ADGRL3: variants seen among roughly 807,000 people sequenced by gnomAD.
ADGRL3 encodes the protein calcium-independent alpha-latrotoxin receptor 3.
In ADGRL3, 62 loss-of-function variants were observed where a neutral mutation model predicts 153.5. That is an observed-to-expected ratio of 0.40 (90% CI 0.33 to 0.50). The LOEUF (loss-of-function observed/expected upper bound fraction) is 0.50, where lower values mean the gene tolerates loss of function less well. Among genes scored for constraint, ADGRL3 ranks in the 20% least tolerant of loss-of-function variants. The pLI, the probability that ADGRL3 is intolerant of heterozygous loss-of-function variation, is 0.47. For missense variants in ADGRL3, 1,641 were observed against 1,859.4 expected (o/e 0.88, Z 2.16); for synonymous variants, 710 against 672.5 (o/e 1.06, Z -0.86).
At chr4:61,237,614 T>A (rs892465692) in intron 1 of ADGRL3, among the ~76,000 whole-genome samples, 6 of 152,210 alleles carry the variant, frequency 3.9e-5, no homozygotes, top group African/African-American at 1.4e-4. Context: ...AAGATAGAAC[T>A]ATTAGTTAGC....
intron 2 of ADGRL3, among the ~76,000 whole-genome samples, chr4:61,458,000 G>A (rs777963344): frequency 2.0e-5 from 3 of 151,738 alleles, no homozygotes; most frequent in Non-Finnish European, 3.0e-5. Context: ...TCTTATTGGA[G>A]ATATTTAGAT....
intron 5 of ADGRL3, among the ~76,000 whole-genome samples, chr4:61,649,496 G>T (rs965133386): frequency 6.6e-6 from 1 of 152,012 alleles, no homozygotes; most frequent in African/African-American, 2.4e-5. Flanking sequence ...ATTTTCTGGA[G>T]ATTCTTTACT....
chr4:61,893,488 T>C (rs2098604369), intron 10 of ADGRL3, among the ~76,000 whole-genome samples: 1 of 152,152 alleles, frequency 6.6e-6, no homozygotes, highest in Admixed American at 6.5e-5. Flanking sequence ...AGGACTTCTA[T>C]ATTAGAAGAT....
At chr4:61,591,466 T>C (rs892276773) in intron 5 of ADGRL3, among the ~76,000 whole-genome samples, 6 of 152,166 alleles carry the variant, frequency 3.9e-5, no homozygotes, top group African/African-American at 1.4e-4. Flanking sequence ...CAATGTATTA[T>C]TTTAAAGCTA....
At chr4:61,336,023 G>T (rs2095667564) in intron 1 of ADGRL3, among the ~76,000 whole-genome samples, 1 of 151,926 alleles carries the variant, frequency 6.6e-6, no homozygotes, top group Non-Finnish European at 1.5e-5. Context: ...TTGATAAAAA[G>T]AAAATCAAGG....
chr4:61,721,929 A>G (rs1336057824), intron 6 of ADGRL3, among the ~76,000 whole-genome samples: 1 of 152,210 alleles, frequency 6.6e-6, no homozygotes, highest in African/African-American at 2.4e-5. Flanking sequence ...AAATTTATTT[A>G]TAGAGATGGC....
At chr4:62,050,401 C>G (rs1733467169) in intron 25 of ADGRL3, among the ~76,000 whole-genome samples, 1 of 152,030 alleles carries the variant, frequency 6.6e-6, no homozygotes, top group South Asian at 2.1e-4. Flanking sequence ...CCAATTCAGA[C>G]AGCTCTTCTA....
In ADGRL3 at chr4:61,320,908, G is replaced by C. The variant is rs75316787; in HGVS notation, c.-239-62216G>C. On this transcript the variant is annotated intron_variant, in intron 1 of 26. Coordinates refer to ENST00000683033, the MANE Select transcript of ADGRL3 (RefSeq NM_001387552.1). The stretch of plus-strand genomic sequence containing the variant: ...CAGAGTTTTTTTCTGGAGATCCTAG[G>C]AGAAATATCCCATTTCCTTGCTTTT... Among the ~76,000 whole-genome samples, 1,464 of 152,156 alleles carry C rather than the reference G, an allele frequency of 9.6e-3. 20 individuals carry two copies. The highest frequency in any genetic ancestry group is 0.034 in the Middle Eastern group (10 of 294).
rs1444425301 is a variant in ADGRL3 at position 62,063,564 on chromosome 4, C to T, written c.3815-4602C>T. ...GCTTCGTCCGCATGGTACTAACAAT[C>T]CCTATAATACATTGCTTGGGGAACC... is the stretch of plus-strand genomic sequence containing the variant. On this transcript the variant is annotated intron_variant, in intron 25 of 26. Transcript: ENST00000683033. 12 of 699,296 alleles carry T rather than the reference C, an allele frequency of 1.7e-5. No individual in the cohort carries two copies. The African/African-American group carries it at 2.1e-4, about 12-fold the overall frequency. The allele number at this position is 699,296 out of a possible 1,614,324, so 43.3% of individuals were successfully genotyped here.
At chr4:61,856,998 T>TCCTTGCC (rs1561368312) in intron 9 of ADGRL3, among the ~76,000 whole-genome samples, 4 of 130,214 alleles carry the variant, frequency 3.1e-5, no homozygotes, top group African/African-American at 1.2e-4. Context: ...CTTTCTTTCT[T>TCCTTGCC]TCTTTCTTTC....
At chr4:61,750,563 G>C (rs1010070156) in intron 8 of ADGRL3, among the ~76,000 whole-genome samples, 1 of 152,006 alleles carries the variant, frequency 6.6e-6, no homozygotes, top group Non-Finnish European at 1.5e-5. Flanking sequence ...AGGCCGAGGC[G>C]GGCGGATCAC....
At chr4:61,568,403 T>A (rs2098825061) in intron 4 of ADGRL3, among the ~76,000 whole-genome samples, 1 of 152,138 alleles carries the variant, frequency 6.6e-6, no homozygotes, top group African/African-American at 2.4e-5. Flanking sequence ...GGATCCGAAT[T>A]TGTATTTTCC....
chr4:61,761,006 T>G (rs1307584826), intron 8 of ADGRL3, among the ~76,000 whole-genome samples: 1 of 152,188 alleles, frequency 6.6e-6, no homozygotes, highest in Non-Finnish European at 1.5e-5. Flanking sequence ...GATGAAATCA[T>G]AGGGAATTGA....
intron 2 of ADGRL3, among the ~76,000 whole-genome samples, chr4:61,410,907 A>G (rs1033306333): frequency 1.3e-5 from 2 of 152,212 alleles, no homozygotes; most frequent in Non-Finnish European, 2.9e-5. Flanking sequence ...TGAATCAAGT[A>G]ACTGAGAACC....
intron 1 of ADGRL3, among the ~76,000 whole-genome samples, chr4:61,310,731 A>AT (rs1173205443): frequency 2.0e-5 from 2 of 101,414 alleles, no homozygotes; most frequent in Non-Finnish European, 4.5e-5. Context: ...CTGTAAGATC[A>AT]GTTTTTTTTT....
intron 9 of ADGRL3, among the ~76,000 whole-genome samples, chr4:61,847,788 T>TTA (rs1250447254): frequency 1.4e-4 from 4 of 29,218 alleles, no homozygotes; most frequent in Non-Finnish European, 1.3e-4. Context: ...ACAAAATATA[T>TTA]TATATATATA....
chr4:61,405,670 TTA>T (rs72443783), intron 2 of ADGRL3, among the ~76,000 whole-genome samples: 4,627 of 151,972 alleles, frequency 0.03, 217 homozygotes, highest in East Asian at 0.21. Context: ...TTTAAAATAT[TTA>T]GAGATAAAAT....
In ADGRL3 at chr4:61,221,470, A is replaced by G. The variant is rs144003011; in HGVS notation, c.-240+19705A>G. 8.1e-3 allele frequency among the ~76,000 whole-genome samples: 1,226 copies of G among 152,264 alleles called. 1 individual carries two copies. The highest frequency in any genetic ancestry group is 0.014 in the Non-Finnish European group (938 of 67,978). Reference sequence around the variant, plus strand: ...ACATCGTCTGTTCTCTAATTATAGTATTCAAAAGAGACATACAATTTTAAA... The same window carrying G: ...ACATCGTCTGTTCTCTAATTATAGTGTTCAAAAGAGACATACAATTTTAAA... On this transcript the variant is annotated intron_variant, in intron 1 of 26. Coordinates refer to ENST00000683033, the MANE Select transcript of ADGRL3 (RefSeq NM_001387552.1).
At chr4:61,759,302 G>T (rs1406607749) in intron 8 of ADGRL3, among the ~76,000 whole-genome samples, 2 of 152,118 alleles carry the variant, frequency 1.3e-5, no homozygotes, top group African/African-American at 4.8e-5. Flanking sequence ...ATCACTTTCA[G>T]GTACACCAAT....
Sources: gnomAD v4.1 joint callset for allele counts (sites outside exome capture counted in the v4.1 genomes callset) on GRCh38, gnomAD v4.1.1 for gene constraint, MANE v1.5 for transcripts, NCBI Gene and HGNC (gene_info 2026-07-23, HGNC 2026-07-21) for gene names.